LRRC37A2: variants seen among roughly 807,000 people sequenced by gnomAD.
LRRC37A2 encodes the protein leucine-rich repeat-containing protein 37A2.
Under a neutral mutation model 68.8 loss-of-function variants are expected in LRRC37A2, and 9 were observed. The observed-to-expected ratio is 0.13, with a 90% CI of 0.08 to 0.23. The LOEUF is 0.23. LRRC37A2 is among the 10% of genes least tolerant of loss of function. The probability of loss-of-function intolerance (pLI) is 1.00; values close to 1 mark genes in which losing one functional copy is unlikely to be tolerated. For synonymous variants in LRRC37A2, 63 were observed against 367.6 expected, an observed-to-expected ratio of 0.17 and a Z score of 9.48; for missense variants, 168 against 950.4, an observed-to-expected ratio of 0.18 and a Z score of 10.82.
At chr17:46,836,860 T>C in the LRRC37A2 span, among the ~76,000 whole-genome samples, 1 of 152,258 alleles carries the variant, frequency 6.6e-6, no homozygotes, top group Non-Finnish European at 1.5e-5. Context: ...AATAAAGAAT[T>C]TGGGGGATTA....
the LRRC37A2 span, chr17:46,830,674 C>A: frequency 2.5e-6 from 1 of 398,622 alleles, no homozygotes; most frequent in South Asian, 1.3e-4. Context: ...GTAGTTTGGT[C>A]AAAGGTTGGA....
At chr17:46,792,243 G>A in the LRRC37A2 span, among the ~76,000 whole-genome samples, 2 of 152,180 alleles carry the variant, frequency 1.3e-5, no homozygotes, top group Non-Finnish European at 2.9e-5. Context: ...GTGGGAGGAG[G>A]TGTCCTCCAG....
chr17:46,404,621 G>T, the LRRC37A2 span, among the ~76,000 whole-genome samples: 113 of 105,794 alleles, frequency 1.1e-3, 3 homozygotes, highest in African/African-American at 3.3e-3. Flanking sequence ...TGTAATCTCA[G>T]CACTTTGGGA....
chr17:46,994,341 T>C, the LRRC37A2 span, among the ~76,000 whole-genome samples: 2 of 147,974 alleles, frequency 1.4e-5, no homozygotes, highest in African/African-American at 2.5e-5. Flanking sequence ...GCTGAGATCA[T>C]GCCATTACAC....
At chr17:47,046,275 G>A in the LRRC37A2 span, among the ~76,000 whole-genome samples, 2 of 127,360 alleles carry the variant, frequency 1.6e-5, no homozygotes, top group Non-Finnish European at 3.4e-5. Context: ...GCCCAGGGGG[G>A]TTGAGGCTGC....
the LRRC37A2 span, among the ~76,000 whole-genome samples, chr17:46,815,651 C>G: frequency 2.6e-5 from 4 of 152,118 alleles, no homozygotes; most frequent in African/African-American, 9.7e-5. Context: ...CACCCTCCAC[C>G]CCAGCTCCAA....
At chr17:46,878,712 G>C in the LRRC37A2 span, among the ~76,000 whole-genome samples, 1 of 152,164 alleles carries the variant, frequency 6.6e-6, no homozygotes, top group Non-Finnish European at 1.5e-5. Context: ...TGGCAGAGCA[G>C]GGGGCCTGGG....
At chr17:46,741,912 T>C in the LRRC37A2 span, among the ~76,000 whole-genome samples, 1 of 152,190 alleles carries the variant, frequency 6.6e-6, no homozygotes, top group Non-Finnish European at 1.5e-5. Flanking sequence ...ATTACAGGCA[T>C]GTGCCACCAC....
At chr17:46,908,050 A>G in the LRRC37A2 span, among the ~76,000 whole-genome samples, 2 of 152,028 alleles carry the variant, frequency 1.3e-5, no homozygotes, top group African/African-American at 4.8e-5. Flanking sequence ...TAATCCCCCA[A>G]TGGTGGAATG....
At chr17:46,933,958 C>G in the LRRC37A2 span, among the ~76,000 whole-genome samples, 2 of 148,004 alleles carry the variant, frequency 1.4e-5, no homozygotes, top group Admixed American at 1.3e-4. Flanking sequence ...AAAAAAAACA[C>G]GAAACAAACC....
At chr17:47,015,019 T>TC in the LRRC37A2 span, among the ~76,000 whole-genome samples, 1 of 145,788 alleles carries the variant, frequency 6.9e-6, no homozygotes, top group Non-Finnish European at 1.5e-5. Flanking sequence ...TTTTTTTTTT[T>TC]TTTTTTGAGA....
chr17:46,389,232 A>G, the LRRC37A2 span, among the ~76,000 whole-genome samples: 1 of 151,656 alleles, frequency 6.6e-6, no homozygotes, highest in Non-Finnish European at 1.5e-5. Context: ...CAAGCAAACA[A>G]ACTTACTGAA....
At chr17:46,948,062 C>T in the LRRC37A2 span, among the ~76,000 whole-genome samples, 2 of 151,254 alleles carry the variant, frequency 1.3e-5, no homozygotes, top group African/African-American at 2.4e-5. Context: ...TGAGCCACCG[C>T]GCCCAGCCTA....
At chr17:46,963,194 T>G in the LRRC37A2 span, among the ~76,000 whole-genome samples, 8 of 152,252 alleles carry the variant, frequency 5.3e-5, no homozygotes, top group Non-Finnish European at 7.3e-5. Context: ...TTCCTTGTCT[T>G]TCTTCATCCT....
At chr17:46,722,264 G>C in the LRRC37A2 span, 698 of 1,018,512 alleles carry the variant, frequency 6.9e-4, 9 homozygotes, top group East Asian at 0.014. Flanking sequence ...ATTAATTTTG[G>C]GGGGAGTCTG....
chr17:46,824,194 T>C, the LRRC37A2 span, among the ~76,000 whole-genome samples: 1 of 152,180 alleles, frequency 6.6e-6, no homozygotes, highest in Non-Finnish European at 1.5e-5. Flanking sequence ...AGGCCTCTTA[T>C]TCAGCTTTAT....
At chr17:46,966,558 A>C in the LRRC37A2 span, 1 of 696,800 alleles carries the variant, frequency 1.4e-6, no homozygotes, top group African/African-American at 1.8e-5. Context: ...CATGTTGCCC[A>C]GAATGGACCC....
chr17:46,858,024 G>A, the LRRC37A2 span, among the ~76,000 whole-genome samples: 1 of 152,252 alleles, frequency 6.6e-6, no homozygotes, highest in African/African-American at 2.4e-5. Flanking sequence ...CCACCTCCTG[G>A]ATTCAAGCAA....
the LRRC37A2 span, chr17:46,721,665 G>C: frequency 1.4e-5 from 22 of 1,602,002 alleles, no homozygotes; most frequent in African/African-American, 2.6e-4. Context: ...TCAACCTTGT[G>C]TTCCACATTG....
Sources: gnomAD v4.1 joint callset for allele counts (sites outside exome capture counted in the v4.1 genomes callset) on GRCh38, gnomAD v4.1.1 for gene constraint, MANE v1.5 for transcripts, NCBI Gene and HGNC (gene_info 2026-07-23, HGNC 2026-07-21) for gene names.